The following EFR3A variants were observed in gnomAD, a reference collection of about 807,000 sequenced individuals.
EFR3A encodes protein EFR3 homolog A.
Under a neutral mutation model 104.4 loss-of-function variants are expected in EFR3A, and 76 were observed. That is an observed-to-expected ratio of 0.73 (90% CI 0.60 to 0.88). EFR3A has a LOEUF of 0.88. EFR3A is among the 40% of genes least tolerant of loss of function. The probability of loss-of-function intolerance (pLI) is 0.00; values close to 1 mark genes in which losing one functional copy is unlikely to be tolerated. For synonymous variants in EFR3A, 330 were observed against 330.0 expected, an observed-to-expected ratio of 1.00 and a Z score of 0.00; for missense variants, 985 against 1,012.5, an observed-to-expected ratio of 0.97 and a Z score of 0.37.
intron 18 of EFR3A, 97 bp from the exon 19 acceptor site, chr8:131,996,309 T>G: frequency 1.4e-6 from 1 of 713,658 alleles, no homozygotes. Context: ...GTCTGAATTT[T>G]TTGACAGTTT....
At chr8:131,972,859 A>G (rs1387298113) in intron 10 of EFR3A, among the ~76,000 whole-genome samples, 1 of 152,004 alleles carries the variant, frequency 6.6e-6, no homozygotes, top group Non-Finnish European at 1.5e-5. Flanking sequence ...CTTAATACAG[A>G]GTTTCTCTTG....
intron 7 of EFR3A, among the ~76,000 whole-genome samples, chr8:131,957,143 A>C (rs1819044202): frequency 6.6e-6 from 1 of 152,176 alleles, no homozygotes; most frequent in Non-Finnish European, 1.5e-5. Context: ...ATTACACATT[A>C]ACCATTTAGT....
At chr8:131,952,094 A>T (rs977253097) in intron 5 of EFR3A, among the ~76,000 whole-genome samples, 10 of 151,722 alleles carry the variant, frequency 6.6e-5, no homozygotes, top group African/African-American at 2.4e-4. Flanking sequence ...ACAATCTTTA[A>T]CTCTAATTTT....
At chr8:131,987,904 T>C (rs550217037) in intron 18 of EFR3A, among the ~76,000 whole-genome samples, 3 of 152,304 alleles carry the variant, frequency 2.0e-5, no homozygotes, top group African/African-American at 4.8e-5. Context: ...GACATAGATA[T>C]GATTTTACCA....
chr8:131,975,083 G>A (rs1298866918), intron 10 of EFR3A, among the ~76,000 whole-genome samples: 1 of 152,140 alleles, frequency 6.6e-6, no homozygotes, highest in African/African-American at 2.4e-5. Flanking sequence ...CAGGAAGTAA[G>A]TATCAAAAGC....
chr8:131,915,452 T>G (rs1816701535), intron 1 of EFR3A, among the ~76,000 whole-genome samples: 1 of 152,232 alleles, frequency 6.6e-6, no homozygotes, highest in Non-Finnish European at 1.5e-5. Flanking sequence ...GCAAATATTT[T>G]TGGGCCTACA....
At chr8:131,980,190 C>T (rs1014584026) in intron 14 of EFR3A, among the ~76,000 whole-genome samples, 4 of 151,912 alleles carry the variant, frequency 2.6e-5, no homozygotes, top group Non-Finnish European at 5.9e-5. Context: ...GGTGTAGAGA[C>T]CCGTAATCCA....
At chr8:131,924,681 A>C (rs1817212574) in intron 1 of EFR3A, among the ~76,000 whole-genome samples, 1 of 152,076 alleles carries the variant, frequency 6.6e-6, no homozygotes, top group African/African-American at 2.4e-5. Flanking sequence ...AGGCTAGCTC[A>C]AAGCTCAGAT....
At chr8:131,935,597 A>G (rs1817841426) in intron 1 of EFR3A, 6 of 384,972 alleles carry the variant, frequency 1.6e-5, no homozygotes, top group Non-Finnish European at 2.6e-5. Context: ...TAGAAGGTGT[A>G]GATACTATTA....
At chr8:131,938,902 T>C (rs1818033344) in intron 1 of EFR3A, among the ~76,000 whole-genome samples, 1 of 152,138 alleles carries the variant, frequency 6.6e-6, no homozygotes, top group Non-Finnish European at 1.5e-5. Flanking sequence ...AATAATGTTG[T>C]AACATCCTTA....
intron 1 of EFR3A, 97 bp downstream of exon 1, chr8:131,904,419 C>CCG (rs946457762): frequency 1.6e-4 from 176 of 1,133,478 alleles, no homozygotes; most frequent in Non-Finnish European, 1.8e-4. Flanking sequence ...GGAGGCTGGG[C>CCG]CGCGCTGAGC....
At chr8:132,000,277 T>C (rs1332601749) in intron 19 of EFR3A, among the ~76,000 whole-genome samples, 2 of 152,046 alleles carry the variant, frequency 1.3e-5, no homozygotes, top group African/African-American at 2.4e-5. Context: ...TACAGGCGCC[T>C]GCCACCATGC....
chr8:131,987,686 T>C lies in EFR3A; in HGVS notation c.2049T>C (p.Tyr683=), dbSNP rs1306218109. The part of the protein sequence containing the change: ...GYSVERLSVP[Y]VPQVTDEDRL... The stretch of plus-strand genomic sequence containing the variant: ...GTGTTGAGAGATTGTCAGTTCCGTA[T>C]GTACCACAAGTAACAGGTAAGAGGA... The change falls in exon 18 of 23, where the codon TAT becomes TAC. Residue 683 remains tyrosine, a synonymous_variant. Coordinates refer to ENST00000254624, the MANE Select transcript of EFR3A (RefSeq NM_015137.6). 1 of 1,594,380 alleles carries C rather than the reference T, an allele frequency of 6.3e-7. No individual in the cohort carries two copies. Among genetic ancestry groups the C allele is most frequent in the South Asian group, 1.1e-5 (1 of 87,774 alleles).
At chr8:131,963,280 G>T (rs1210065210) in intron 8 of EFR3A, among the ~76,000 whole-genome samples, 3 of 152,020 alleles carry the variant, frequency 2.0e-5, no homozygotes, top group Non-Finnish European at 4.4e-5. Flanking sequence ...GTGAATCCAG[G>T]AGCTGGTTTT....
chr8:131,917,029 A>G (rs1203697116), intron 1 of EFR3A, among the ~76,000 whole-genome samples: 1 of 152,226 alleles, frequency 6.6e-6, no homozygotes, highest in Non-Finnish European at 1.5e-5. Flanking sequence ...GCAAGTAGAA[A>G]TTAGGGTGGC....
In EFR3A at chr8:131,950,083, C is replaced by G; in HGVS notation, c.481C>G (p.Arg161Gly). Residue 161 changes from arginine to glycine, a missense_variant, in exon 5 of 23, where the codon CGA becomes GGA. Physicochemically the swap from Arg to Gly is moderately radical, Grantham distance 125 (BLOSUM62 -2). Transcript: ENST00000254624. ...CHSCHSDPEI[R>G]TEIRIAGIRG... ...TTCCTGTCATAGTGATCCAGAAATA[C>G]GAACAGAGTATGTATTATTTTACTT... 1.2e-6 allele frequency: 2 copies of G among 1,606,188 alleles called. No homozygotes were observed.
rs150257812 is a variant in EFR3A, at chr8:131,979,882, A to G, written c.1575+461A>G. Among the ~76,000 whole-genome samples the G allele has an allele frequency of 3.3e-5, 5 of 152,270 alleles. No individual in the cohort carries two copies. The East Asian group carries it at 5.8e-4, about 18-fold the overall frequency. On this transcript the variant is annotated intron_variant, in intron 14 of 22. Transcript: ENST00000254624. The stretch of plus-strand genomic sequence containing the variant: ...TGAGTTGGGCAGGATCTCTGCCCCA[A>G]TAATGGTTTTAGCTGGATTTTCATG...
chr8:131,949,534 T>TG (rs1278241739), intron 4 of EFR3A, among the ~76,000 whole-genome samples: 4 of 152,160 alleles, frequency 2.6e-5, no homozygotes, highest in African/African-American at 9.7e-5. Flanking sequence ...GTTGGTGCAG[T>TG]GGTTCATGCC....
chr8:131,941,272 G>T (rs114656208), intron 2 of EFR3A, among the ~76,000 whole-genome samples: 1 of 151,850 alleles, frequency 6.6e-6, no homozygotes, highest in South Asian at 2.1e-4. Context: ...ACTGGTTGGG[G>T]TGATTTTGTT....
Sources: gnomAD v4.1 joint callset for allele counts (sites outside exome capture counted in the v4.1 genomes callset) on GRCh38, gnomAD v4.1.1 for gene constraint, MANE v1.5 for transcripts, NCBI Gene and HGNC (gene_info 2026-07-23, HGNC 2026-07-21) for gene names.